The following LRRC14 variants were observed in gnomAD, a reference collection of about 807,000 sequenced individuals.
LRRC14 encodes the protein leucine rich repeat containing 14.
A neutral mutation model predicts 25.3 loss-of-function variants in LRRC14; 16 were observed. That is an observed-to-expected ratio of 0.63 (90% CI 0.43 to 0.96). The LOEUF (loss-of-function observed/expected upper bound fraction) is 0.96. Ranked by LOEUF, LRRC14 falls within the 40% of genes least tolerant of loss-of-function variation. LRRC14 has a pLI of 0.00. For missense variants in LRRC14, 594 were observed against 660.5 expected (o/e 0.90, Z 1.10); for synonymous variants, 359 against 295.1 (o/e 1.22, Z -2.22).
In LRRC14 at chr8:144,522,387, C is replaced by G. The variant is rs375201938; in HGVS notation, c.*909C>G. 3.9e-4 allele frequency: 531 copies of G among 1,363,468 alleles called. 4 individuals are homozygous for G. In the South Asian group the frequency reaches 8.4e-3, roughly 22 times the overall value. The allele number at this position is 1,363,468 out of a possible 1,614,324, so 84.5% of individuals were successfully genotyped here. On this transcript the variant is annotated 3_prime_UTR_variant, in exon 4 of 4. Transcript: ENST00000292524. ...CGCCCCACACACGGCTCAGCGCACA[C>G]TGCGCGGCTTCCACCTTTACTGACG...
chr8:144,524,004 C>T lies in LRRC14; in HGVS notation c.*2526C>T. On this transcript the variant is annotated 3_prime_UTR_variant, in exon 4 of 4. Transcript: ENST00000292524. ...GGCTGCAGGCGGTGGTGCAGCCTTC[C>T]AGACTGCTGCCCAGTTGCCTGATGT... 2.2e-6 allele frequency: 3 copies of T among 1,353,260 alleles called. No individual in the cohort carries two copies. The highest frequency in any genetic ancestry group is 2.0e-6 in the Non-Finnish European group (2 of 986,026). The allele number at this position is 1,353,260 out of a possible 1,614,324, so 83.8% of individuals were successfully genotyped here.
At position 144,523,107 on chromosome 8, in the gene LRRC14, GC is replaced by G; in HGVS notation, c.*1631del. ...CCTTCTAGCTGGGCCTGGGCTCGCG[GC>G]CGGCCCTCGCGAGGCTGGGGCACCT... On this transcript the variant is annotated 3_prime_UTR_variant, in exon 4 of 4. Transcript: ENST00000292524. 1 of 1,609,144 alleles carries G rather than the reference GC, an allele frequency of 6.2e-7. No homozygotes were observed. The highest frequency in any genetic ancestry group is 8.5e-7 in the Non-Finnish European group (1 of 1,179,498).
Position 144,524,975 on chromosome 8 carries a change from C to T in LRRC14, c.*3497C>T. 3 of 1,451,316 alleles carry T rather than the reference C, an allele frequency of 2.1e-6. No homozygotes were observed. Among genetic ancestry groups the T allele is most frequent in the Non-Finnish European group, 2.7e-6 (3 of 1,103,490 alleles). The allele number at this position is 1,451,316 out of a possible 1,614,324, so 89.9% of individuals were successfully genotyped here. On this transcript the variant is annotated 3_prime_UTR_variant, in exon 4 of 4. Coordinates refer to ENST00000292524, the MANE Select transcript of LRRC14 (RefSeq NM_014665.4). ...GCAGTGCGGGGGCCCTCAGGGCCAT[C>T]TCCCGAGGCCCGGTTCCTCACCGGC...
rs748031479 is a variant in LRRC14 at position 144,523,202 on chromosome 8, T to C, written c.*1724T>C. On this transcript the variant is annotated 3_prime_UTR_variant, in exon 4 of 4. Transcript: ENST00000292524. ...GGCAACCCGCAGGTCCTCACCCAGG[T>C]TGGCTGTGAGCTCCAGCGGCTGCAC... 2.5e-6 allele frequency: 4 copies of C among 1,609,650 alleles called. No homozygotes were observed. The South Asian group carries it at 4.4e-5, about 18-fold the overall frequency.
chr8:144,524,649 C>A lies in LRRC14; in HGVS notation c.*3171C>A, dbSNP rs1409127006. 4.7e-6 allele frequency: 7 copies of A among 1,502,966 alleles called. No individual in the cohort carries two copies. The highest frequency in any genetic ancestry group is 6.2e-6 in the Non-Finnish European group (7 of 1,135,632). The allele number at this position is 1,502,966 out of a possible 1,614,324, so 93.1% of individuals were successfully genotyped here. A position where few individuals can be genotyped will look rare whatever the true frequency, so the allele number is the denominator to read the frequency against. Reference sequence around the variant, plus strand: ...GCTGTTGTTGTGCAGGTAGAGCCGGCGCAGAGCGGCGAGTGGCGCCAGGGC... The same window carrying A: ...GCTGTTGTTGTGCAGGTAGAGCCGGAGCAGAGCGGCGAGTGGCGCCAGGGC... On this transcript the variant is annotated 3_prime_UTR_variant, in exon 4 of 4. Coordinates refer to ENST00000292524, the MANE Select transcript of LRRC14 (RefSeq NM_014665.4).
At position 144,520,550 on chromosome 8, in the gene LRRC14, G is replaced by A. The variant is rs778632982; in HGVS notation, c.642G>A (p.Leu214=). Residue 214 remains leucine (L), a synonymous_variant, in exon 3 of 4, where the codon CTG becomes CTA. Coordinates refer to ENST00000292524, the MANE Select transcript of LRRC14 (RefSeq NM_014665.4). ...DLPMRNTVAL[L]QLLDAGCLRR... is the part of the protein sequence containing the mutation. ...CCATGCGCAACACTGTGGCCCTGCT[G>A]CAGCTTCTGGATGCAGGCTGCCTGC... 8.8e-6 allele frequency: 14 copies of A among 1,599,868 alleles called. No individual in the cohort carries two copies. In the East Asian group the frequency reaches 1.3e-4, roughly 15 times the overall value.
rs767590405 is a variant in LRRC14 at position 144,524,529 on chromosome 8, G to A, written c.*3051G>A. On this transcript the variant is annotated 3_prime_UTR_variant, in exon 4 of 4. Coordinates refer to ENST00000292524, the MANE Select transcript of LRRC14 (RefSeq NM_014665.4). The stretch of plus-strand genomic sequence containing the variant: ...GCGCAGCTGGGCCAGGCCTACGAAG[G>A]CGCCGCTGCGCAAGCCGCGCAGCCG... The A allele has an allele frequency of 9.7e-5, 154 of 1,588,256 alleles. No individual in the cohort carries two copies. The highest frequency in any genetic ancestry group is 8.9e-4 in the Middle Eastern group (5 of 5,622).
rs781048518 is a variant in LRRC14, at chr8:144,522,696, C to T, written c.*1218C>T. ...TAGTCGTTGACGAACAGCGCTCCCT[C>T]CCCCGGAGGCCCCCGCGCCTTTTTT... On this transcript the variant is annotated 3_prime_UTR_variant, in exon 4 of 4. Coordinates refer to ENST00000292524, the MANE Select transcript of LRRC14 (RefSeq NM_014665.4). 2.6e-5 allele frequency: 41 copies of T among 1,595,004 alleles called. No homozygotes were observed. In the Admixed American group the frequency reaches 4.8e-4, roughly 19 times the overall value.
chr8:144,522,329 C>T lies in LRRC14; in HGVS notation c.*851C>T, dbSNP rs1410370351. On this transcript the variant is annotated 3_prime_UTR_variant, in exon 4 of 4. Transcript: ENST00000292524. ...CTCCCCGGCCACCTTCCATTGCTAC[C>T]CCAGGATTCCCGAGTGCAACGTTCC... is the stretch of plus-strand genomic sequence containing the variant. 2 of 1,235,718 alleles carry T rather than the reference C, an allele frequency of 1.6e-6. No homozygotes were observed. Among genetic ancestry groups the T allele is most frequent in the East Asian group, 3.2e-5 (1 of 31,572 alleles). 76.5% of individuals were successfully genotyped at this position (1,235,718 alleles called of 1,614,324 possible).
chr8:144,522,690 C>T lies in LRRC14; in HGVS notation c.*1212C>T, dbSNP rs752231080. 2.5e-6 allele frequency: 4 copies of T among 1,596,340 alleles called. No homozygotes were observed. The South Asian group carries it at 3.4e-5, about 13-fold the overall frequency. ...TCCAAGTAGTCGTTGACGAACAGCG[C>T]TCCCTCCCCCGGAGGCCCCCGCGCC... On this transcript the variant is annotated 3_prime_UTR_variant, in exon 4 of 4. Coordinates refer to ENST00000292524, the MANE Select transcript of LRRC14 (RefSeq NM_014665.4).
Position 144,523,247 on chromosome 8 carries a change from C to G in LRRC14, c.*1769C>G, listed in dbSNP as rs1816201689. ...CTGCACGTGGACAGAGGGCGGAATG[C>G]AGATGAGGCTGCTGTGGGATACGTC... On this transcript the variant is annotated 3_prime_UTR_variant, in exon 4 of 4. Coordinates refer to ENST00000292524, the MANE Select transcript of LRRC14 (RefSeq NM_014665.4). The G allele has an allele frequency of 6.2e-7, 1 of 1,610,326 alleles. No individual in the cohort carries two copies. The highest frequency in any genetic ancestry group is 1.7e-5 in the Admixed American group (1 of 59,598).
Position 144,522,400 on chromosome 8 carries a change from A to T in LRRC14, c.*922A>T. 1 of 1,366,786 alleles carries T rather than the reference A, an allele frequency of 7.3e-7. No homozygotes were observed. Among genetic ancestry groups the T allele is most frequent in the Non-Finnish European group, 9.4e-7 (1 of 1,067,500 alleles). 84.7% of individuals were successfully genotyped at this position (1,366,786 alleles called of 1,614,324 possible). On this transcript the variant is annotated 3_prime_UTR_variant, in exon 4 of 4. Transcript: ENST00000292524. The stretch of plus-strand genomic sequence containing the variant: ...GCTCAGCGCACACTGCGCGGCTTCC[A>T]CCTTTACTGACGGAGCATGCGCGAG...
Position 144,520,729 on chromosome 8 carries a change from G to A in LRRC14, c.821G>A (p.Arg274His), listed in dbSNP as rs748837708. 5 of 1,598,958 alleles carry A rather than the reference G, an allele frequency of 3.1e-6. No individual in the cohort carries two copies. Among genetic ancestry groups the A allele is most frequent in the African/African-American group, 1.3e-5 (1 of 74,950 alleles). Residue 274 changes from arginine to histidine, a missense_variant, in exon 3 of 4, where the codon CGC becomes CAC. Coordinates refer to ENST00000292524, the MANE Select transcript of LRRC14 (RefSeq NM_014665.4). ...QPSVDGEDNFRYFLAQMGRFT... is the reference protein window; with the variant it reads ...QPSVDGEDNFHYFLAQMGRFT... ...TCCGTGGATGGCGAGGACAACTTCCGCTACTTCCTTGCCCAGATGGGCCGC... is the reference window on the plus strand; with the variant it reads ...TCCGTGGATGGCGAGGACAACTTCCACTACTTCCTTGCCCAGATGGGCCGC...
intron 1 of LRRC14, 23 bp downstream of exon 1, chr8:144,518,064 G>A (rs886284704): frequency 1.5e-5 from 3 of 197,352 alleles, no homozygotes; most frequent in Admixed American, 6.0e-5. Flanking sequence ...GGCCGGGGGG[G>A]TGTCTGAGCG....
At position 144,522,649 on chromosome 8, in the gene LRRC14, G is replaced by C; in HGVS notation, c.*1171G>C. 6.3e-7 allele frequency: 1 copy of C among 1,586,622 alleles called. No individual in the cohort carries two copies. Among genetic ancestry groups the C allele is most frequent in the Non-Finnish European group, 8.6e-7 (1 of 1,168,532 alleles). On this transcript the variant is annotated 3_prime_UTR_variant, in exon 4 of 4. Transcript: ENST00000292524. ...CGTCGCGGAGCTCCTCTAGCTGTGC[G>C]AACGTACAGGGGCCGTCCAAGTAGT... is the stretch of plus-strand genomic sequence containing the variant.
chr8:144,523,452 T>C lies in LRRC14; in HGVS notation c.*1974T>C. ...TAGGCAGGTGGCTTGAGGGTGCTGC[T>C]AAAACAGCCTGTGCAGTTGGGGTTT... is the stretch of plus-strand genomic sequence containing the variant. On this transcript the variant is annotated 3_prime_UTR_variant, in exon 4 of 4. Coordinates refer to ENST00000292524, the MANE Select transcript of LRRC14 (RefSeq NM_014665.4). 1 of 1,500,450 alleles carries C rather than the reference T, an allele frequency of 6.7e-7. No homozygotes were observed. The highest frequency in any genetic ancestry group is 8.9e-7 in the Non-Finnish European group (1 of 1,129,252). The allele number at this position is 1,500,450 out of a possible 1,614,324, so 92.9% of individuals were successfully genotyped here.
Position 144,523,221 on chromosome 8 carries a change from G to T in LRRC14, c.*1743G>T, listed in dbSNP as rs1393708063. The T allele has an allele frequency of 6.2e-7, 1 of 1,609,384 alleles. No homozygotes were observed. The highest frequency in any genetic ancestry group is 1.3e-5 in the African/African-American group (1 of 74,884). On this transcript the variant is annotated 3_prime_UTR_variant, in exon 4 of 4. Coordinates refer to ENST00000292524, the MANE Select transcript of LRRC14 (RefSeq NM_014665.4). ...CCCAGGTTGGCTGTGAGCTCCAGCGGCTGCACGTGGACAGAGGGCGGAATG... is the reference window on the plus strand; with the variant it reads ...CCCAGGTTGGCTGTGAGCTCCAGCGTCTGCACGTGGACAGAGGGCGGAATG...
Position 144,522,669 on chromosome 8 carries a change from A to C in LRRC14, c.*1191A>C. 1.3e-6 allele frequency: 2 copies of C among 1,595,122 alleles called. No homozygotes were observed. The highest frequency in any genetic ancestry group is 1.7e-6 in the Non-Finnish European group (2 of 1,172,130). ...TGTGCGAACGTACAGGGGCCGTCCAAGTAGTCGTTGACGAACAGCGCTCCC... is the reference window on the plus strand; with the variant it reads ...TGTGCGAACGTACAGGGGCCGTCCACGTAGTCGTTGACGAACAGCGCTCCC... On this transcript the variant is annotated 3_prime_UTR_variant, in exon 4 of 4. Coordinates refer to ENST00000292524, the MANE Select transcript of LRRC14 (RefSeq NM_014665.4).
Position 144,522,243 on chromosome 8 carries a change from A to C in LRRC14, c.*765A>C. ...CCAGGGCCAGCGAGGGACCCCCCCC[A>C]TGCAGAGCTGGAGGTTGGGGTGATG... On this transcript the variant is annotated 3_prime_UTR_variant, in exon 4 of 4. Coordinates refer to ENST00000292524, the MANE Select transcript of LRRC14 (RefSeq NM_014665.4). The C allele has an allele frequency of 2.0e-6, 1 of 507,458 alleles. No homozygotes were observed. Among genetic ancestry groups the C allele is most frequent in the Non-Finnish European group, 3.1e-6 (1 of 319,930 alleles). 31.4% of individuals were successfully genotyped at this position (507,458 alleles called of 1,614,324 possible).
Sources: gnomAD v4.1 joint callset for allele counts on GRCh38, gnomAD v4.1.1 for gene constraint, MANE v1.5 for transcripts, NCBI Gene and HGNC (gene_info 2026-07-23, HGNC 2026-07-21) for gene names.